Variants in NEBL observed in about 807,000 individuals in gnomAD.
NEBL encodes the protein LIM and SH3 protein 2.
Under a neutral mutation model 140.2 loss-of-function variants are expected in NEBL, and 122 were observed. The observed-to-expected ratio is 0.87, with a 90% CI of 0.75 to 1.01. NEBL has a LOEUF of 1.01. NEBL is among the 50% of genes least tolerant of loss of function. The pLI is 0.00. For synonymous variants in NEBL, 436 were observed against 398.9 expected (o/e 1.09, Z -1.11); for missense variants, 1,365 against 1,231.3 (o/e 1.11, Z -1.62).
Position 20,781,512 on chromosome 10 carries a change from T to A in NEBL, c.*4235A>T, listed in dbSNP as rs1056957072. ...TGTGATGCAGTTTTCTCTTTTCCTT[T>A]AAAGTACATCATTCTTAACAGCAAC... On this transcript the variant is annotated 3_prime_UTR_variant, in exon 28 of 28. Transcript: ENST00000377122. 5 of 152,158 alleles carry A rather than the reference T, an allele frequency of 3.3e-5. No individual in the cohort carries two copies. Among genetic ancestry groups the A allele is most frequent in the African/African-American group, 1.2e-4 (5 of 41,440 alleles). The allele number at this position is 152,158 out of a possible 1,614,324, so 9.4% of individuals were successfully genotyped here.
intron 10 of NEBL, 64 bp downstream of exon 10, chr10:20,852,481 C>T (rs776196942): frequency 8.7e-6 from 9 of 1,032,978 alleles, no homozygotes; most frequent in Non-Finnish European, 1.2e-5. Flanking sequence ...CAGTGAGCGG[C>T]GGGCCTCAGG....
intron 3 of NEBL, among the ~76,000 whole-genome samples, chr10:21,205,371 T>A (rs1841808960): frequency 6.6e-6 from 1 of 152,168 alleles, no homozygotes; most frequent in African/African-American, 2.4e-5. Context: ...CATAATGATA[T>A]TTAGGGCAAT....
At chr10:21,268,777 G>A (rs1009777996) in intron 1 of NEBL, among the ~76,000 whole-genome samples, 16 of 151,676 alleles carry the variant, frequency 1.1e-4, no homozygotes, top group African/African-American at 2.4e-4. Context: ...CACCCGCCTC[G>A]GCCTCCCAAA....
intron 18 of NEBL, 145 bp from the exon 19 acceptor site, chr10:20,823,445 T>C: frequency 1.7e-6 from 1 of 604,598 alleles, no homozygotes; most frequent in African/African-American, 1.9e-5. Context: ...AATTCTTAAT[T>C]TTATATGATG....
intron 14 of NEBL, among the ~76,000 whole-genome samples, chr10:20,833,748 T>C (rs1840633687): frequency 7.0e-6 from 1 of 143,880 alleles, no homozygotes; most frequent in Admixed American, 7.1e-5. Flanking sequence ...AGAGCGAGAC[T>C]CCGTCTCAAA....
At chr10:21,094,894 T>A (rs537177918) in intron 2 of NEBL, among the ~76,000 whole-genome samples, 24 of 152,314 alleles carry the variant, frequency 1.6e-4, no homozygotes, top group African/African-American at 5.1e-4. Context: ...CGTCATAGTT[T>A]CCCAGGTGAT....
intron 21 of NEBL, among the ~76,000 whole-genome samples, chr10:20,816,087 A>G (rs2130806943): frequency 6.6e-6 from 1 of 152,222 alleles, no homozygotes; most frequent in African/African-American, 2.4e-5. Context: ...TATTTTAATG[A>G]GTTAGTCAGG....
chr10:21,116,488 C>T (rs959840937), intron 2 of NEBL, among the ~76,000 whole-genome samples: 9 of 152,104 alleles, frequency 5.9e-5, no homozygotes, highest in East Asian at 1.9e-4. Flanking sequence ...ATTATCATCA[C>T]ATTAAGAGTT....
chr10:21,143,095 T>C lies in NEBL; in HGVS notation c.164+29288A>G, dbSNP rs557307519. ...AAGGGTCAACTAAGTACATGTTATA[T>C]GCATAATGTGAATGTAGAAAAAGAG... On this transcript the variant is annotated intron_variant, in intron 2 of 6. Transcript: ENST00000417816. Among the ~76,000 whole-genome samples, 10 of 152,280 alleles carry C rather than the reference T, an allele frequency of 6.6e-5. 1 individual carries two copies. Among genetic ancestry groups the C allele is most frequent in the African/African-American group, 2.4e-4 (10 of 41,556 alleles).
In NEBL at chr10:20,819,463, C is replaced by T. The variant is rs757626106; in HGVS notation, c.2016G>A (p.Glu672=). The T allele has an allele frequency of 2.1e-5, 34 of 1,614,010 alleles. No homozygotes were observed. The highest frequency in any genetic ancestry group is 2.9e-5 in the Non-Finnish European group (34 of 1,179,986). ...YKATPVSMTP[E]IERVRRNQEQ... ...CCTGGTTTCGCCTCACTCTCTCTAT[C>T]TCCGGGGTCATGCTTACCGGAGTGG... Residue 672 remains glutamate (E), a synonymous_variant, in exon 20 of 28, where the codon GAG becomes GAA. Transcript: ENST00000377122.
intron 1 of NEBL, among the ~76,000 whole-genome samples, chr10:21,272,581 C>T (rs1311283039): frequency 6.6e-6 from 1 of 152,090 alleles, no homozygotes; most frequent in Non-Finnish European, 1.5e-5. Flanking sequence ...AGAGCAAGAC[C>T]ATGTCAAATA....
intron 2 of NEBL, among the ~76,000 whole-genome samples, chr10:20,890,164 C>T (rs546375250): frequency 8.3e-4 from 127 of 152,232 alleles, no homozygotes; most frequent in Middle Eastern, 3.4e-3. Flanking sequence ...TTTAGATAAG[C>T]GAGGGTCCAG....
At chr10:21,080,505 G>A (rs1836315353) in intron 2 of NEBL, among the ~76,000 whole-genome samples, 1 of 152,184 alleles carries the variant, frequency 6.6e-6, no homozygotes, top group African/African-American at 2.4e-5. Flanking sequence ...CTATTCTGTT[G>A]GATGCTGTAC....
rs1400416194 is a variant in NEBL at position 20,787,206 on chromosome 10, T to C, written c.2864A>G (p.Asn955Ser). The change falls in exon 27 of 28, where the codon AAT (asparagine) becomes AGT (serine). Residue 955 changes from asparagine to serine, a missense_variant. This residue lies in a region of NEBL where 1,323 missense variants were observed against 1,154.8 expected (regional missense o/e 1.15). Coordinates refer to ENST00000377122, the MANE Select transcript of NEBL (RefSeq NM_006393.3). Reference protein sequence around the residue: ...SSMRSMQHSPNLRTYRAMYDY... With the variant: ...SSMRSMQHSPSLRTYRAMYDY... The stretch of plus-strand genomic sequence containing the variant: ...ACGTATCAAATGGACACTTACTAGA[T>C]TTGGTGAATGCTGCATTGATCTCAT... The C allele has an allele frequency of 6.2e-7, 1 of 1,607,298 alleles. No individual in the cohort carries two copies. The highest frequency in any genetic ancestry group is 8.5e-7 in the Non-Finnish European group (1 of 1,174,838).
intron 11 of NEBL, among the ~76,000 whole-genome samples, chr10:20,849,489 A>G (rs1234885509): frequency 6.6e-6 from 1 of 152,190 alleles, no homozygotes; most frequent in African/African-American, 2.4e-5. Context: ...CTGCCTCATG[A>G]ATGGATTGAT....
At chr10:21,060,426 G>A (rs547784178) in intron 2 of NEBL, among the ~76,000 whole-genome samples, 57 of 152,288 alleles carry the variant, frequency 3.7e-4, no homozygotes, top group East Asian at 9.6e-4. Flanking sequence ...AAACTTGAGC[G>A]TGTATCAGAA....
At chr10:20,827,968 T>G (rs111843659) in intron 17 of NEBL, among the ~76,000 whole-genome samples, 2 of 152,010 alleles carry the variant, frequency 1.3e-5, no homozygotes, top group African/African-American at 4.8e-5. Flanking sequence ...AAATAACTAA[T>G]GGGTACTAGG....
intron 4 of NEBL, among the ~76,000 whole-genome samples, chr10:20,920,447 G>A (rs745391804): frequency 6.6e-6 from 1 of 152,178 alleles, no homozygotes. Flanking sequence ...CGACACACTG[G>A]AGCTGTCAAA....
At chr10:21,109,527 G>C (rs1168715803) in intron 2 of NEBL, among the ~76,000 whole-genome samples, 1 of 152,170 alleles carries the variant, frequency 6.6e-6, no homozygotes, top group Non-Finnish European at 1.5e-5. Context: ...ATGAATTAGG[G>C]AGGATTCCCT....
Sources: allele counts gnomAD v4.1 joint callset (sites outside exome capture counted in the v4.1 genomes callset), GRCh38; gene constraint gnomAD v4.1.1; regional missense constraint gnomAD v4.1.1; transcripts MANE v1.5; gene names NCBI Gene and HGNC (gene_info 2026-07-23, HGNC 2026-07-21).